The following CXCR2 variants were observed in gnomAD, a reference collection of about 807,000 sequenced individuals.
The protein encoded by CXCR2 is C-X-C chemokine receptor type 2.
A neutral mutation model predicts 3.7 loss-of-function variants in CXCR2; 2 were observed. The observed-to-expected ratio is 0.55, with a 90% CI of 0.22 to 1.72. CXCR2 has a LOEUF of 1.72. Ranked by LOEUF, CXCR2 falls within the 40% of genes most tolerant of loss-of-function variation. CXCR2 has a pLI of 0.19. For synonymous variants in CXCR2, 203 were observed against 193.3 expected (o/e 1.05, Z -0.41); for missense variants, 351 against 450.1 (o/e 0.78, Z 1.99).
intron 1 of CXCR2, among the ~76,000 whole-genome samples, chr2:218,127,196 G>A (rs1690532346): frequency 6.6e-6 from 1 of 152,120 alleles, no homozygotes; most frequent in African/African-American, 2.4e-5. Flanking sequence ...GCACAATCTC[G>A]GCTCACTGCA....
At chr2:218,133,264 T>C (rs1007198439) in intron 2 of CXCR2, among the ~76,000 whole-genome samples, 2 of 151,568 alleles carry the variant, frequency 1.3e-5, no homozygotes, top group Non-Finnish European at 2.9e-5. Context: ...CTGGATTGCT[T>C]TAGTTGACTG....
chr2:218,129,394 C>A (rs200593033), intron 2 of CXCR2, 29 bp downstream of exon 2: 7 of 152,414 alleles, frequency 4.6e-5, no homozygotes, highest in Non-Finnish European at 7.3e-5. Context: ...ACCCTTCCCA[C>A]CAGCTAGAAT....
chr2:218,128,542 A>C (rs1291107280), intron 1 of CXCR2, among the ~76,000 whole-genome samples: 1 of 152,236 alleles, frequency 6.6e-6, no homozygotes, highest in African/African-American at 2.4e-5. Context: ...AATCAATAGC[A>C]AATTGATAAA....
intron 2 of CXCR2, 41 bp from the exon 3 acceptor site, chr2:218,134,736 G>A: frequency 1.3e-6 from 2 of 1,526,308 alleles, no homozygotes; most frequent in Non-Finnish European, 1.8e-6. Flanking sequence ...GCAAGAATAT[G>A]GGGAATTTAT....
At chr2:218,125,576 G>GT (rs45493792), upstream of CXCR2, 1 of 150,788 alleles carries the variant, frequency 6.6e-6, no homozygotes, top group African/African-American at 2.4e-5. Context: ...AAAGCAATTT[G>GT]TTTTTGTTTT....
intron 2 of CXCR2, among the ~76,000 whole-genome samples, chr2:218,130,412 GC>G (rs1458750768): frequency 1.3e-5 from 2 of 151,946 alleles, no homozygotes; most frequent in Non-Finnish European, 2.9e-5. Flanking sequence ...GAGCGAGACT[GC>G]ATCAAAAAAA....
At chr2:218,126,757 C>T (rs1278936295) in intron 1 of CXCR2, among the ~76,000 whole-genome samples, 1 of 152,026 alleles carries the variant, frequency 6.6e-6, no homozygotes, top group African/African-American at 2.4e-5. Context: ...AGGTGATTCT[C>T]CCACCTCAGC....
intron 1 of CXCR2, among the ~76,000 whole-genome samples, chr2:218,128,105 G>T (rs1690552994): frequency 6.6e-6 from 1 of 152,198 alleles, no homozygotes; most frequent in African/African-American, 2.4e-5. Context: ...CCATGAGTTG[G>T]ATTCTGTATT....
At position 218,134,873 on chromosome 2, in the gene CXCR2, T is replaced by C. The variant is rs970371270; in HGVS notation, c.72T>C (p.Ser24=). 4 of 1,614,192 alleles carry C rather than the reference T, an allele frequency of 2.5e-6. No homozygotes were observed. Among genetic ancestry groups the C allele is most frequent in the Admixed American group, 1.7e-5 (1 of 60,020 alleles). The change falls in exon 3 of 3, where the codon AGT becomes AGC. Residue 24 remains serine (S), a synonymous_variant. Transcript: ENST00000318507. ...FWKGEDLSNY[S]YSSTLPPFLL... The stretch of plus-strand genomic sequence containing the variant: ...AAGGTGAAGATCTTAGTAATTACAG[T>C]TACAGCTCTACCCTGCCCCCTTTTC...
chr2:218,128,319 C>T (rs1331411818), intron 1 of CXCR2, among the ~76,000 whole-genome samples: 3 of 152,184 alleles, frequency 2.0e-5, no homozygotes, highest in African/African-American at 4.8e-5. Flanking sequence ...ATTTGCTGAA[C>T]AGTTGGACTC....
rs759986280 is a variant in CXCR2 at position 218,135,625 on chromosome 2, C to T, written c.824C>T (p.Thr275Ile). ...TACAACCTGGTCCTGCTGGCAGACACCCTCATGAGGACCCAGGTGATCCAG... is the reference window on the plus strand; with the variant it reads ...TACAACCTGGTCCTGCTGGCAGACATCCTCATGAGGACCCAGGTGATCCAG... ...LPYNLVLLAD[T>I]LMRTQVIQET... Residue 275 changes from threonine to isoleucine, a missense_variant, in exon 3 of 3, where the codon ACC becomes ATC. By Grantham distance (89) the Thr-to-Ile change is moderately conservative. Coordinates refer to ENST00000318507, the MANE Select transcript of CXCR2 (RefSeq NM_001557.4). The surrounding 1 kb of genome is among the most constrained non-coding windows in gnomAD (Gnocchi z 4.0). 1 of 1,614,120 alleles carries T rather than the reference C, an allele frequency of 6.2e-7. No individual in the cohort carries two copies. The highest frequency in any genetic ancestry group is 1.7e-5 in the Admixed American group (1 of 60,024).
chr2:218,133,084 A>T (rs1690690062), intron 2 of CXCR2, among the ~76,000 whole-genome samples: 1 of 152,058 alleles, frequency 6.6e-6, no homozygotes, highest in South Asian at 2.1e-4. Context: ...GGTGAGTGTG[A>T]AGTGGGTTCT....
rs199906283 is a variant in CXCR2, at chr2:218,135,327, C to T, written c.526C>T (p.Leu176=). Residue 176 remains leucine, a synonymous_variant, in exon 3 of 3, where the codon CTG becomes TTG. Transcript: ENST00000318507. This position sits in a 1 kb window ranked among gnomAD's most constrained non-coding sequence, Gnocchi z 4.0. ...CLSIWGLSLL[L]ALPVLLFRRT... is the part of the protein sequence containing the mutation. Reference sequence around the variant, plus strand: ...CAGCATCTGGGGTCTGTCCTTGCTCCTGGCCCTGCCTGTCTTACTTTTCCG... The same window carrying T: ...CAGCATCTGGGGTCTGTCCTTGCTCTTGGCCCTGCCTGTCTTACTTTTCCG... 65 of 1,614,222 alleles carry T rather than the reference C, an allele frequency of 4.0e-5. 1 individual carries two copies. The Admixed American group carries it at 9.5e-4, about 24-fold the overall frequency.
intron 1 of CXCR2, among the ~76,000 whole-genome samples, chr2:218,129,050 C>G (rs996578254): frequency 2.0e-5 from 3 of 152,188 alleles, no homozygotes; most frequent in African/African-American, 7.2e-5. Context: ...CCATGCAATC[C>G]TGGGCAAGCC....
Position 218,135,277 on chromosome 2 carries a change from G to T in CXCR2, c.476G>T (p.Arg159Leu), listed in dbSNP as rs368809767. The change falls in exon 3 of 3, where the codon CGC (arginine) becomes CTC (leucine). Residue 159 changes from arginine to leucine, a missense_variant. Transcript: ENST00000318507. The surrounding 1 kb of genome is among the most constrained non-coding windows in gnomAD (Gnocchi z 4.0). ...GCCACACGCACACTGACCCAGAAGC[G>T]CTACTTGGTCAAATTCATATGTCTC... ...VHATRTLTQK[R>L]YLVKFICLSI... 2 of 1,614,190 alleles carry T rather than the reference G, an allele frequency of 1.2e-6. No homozygotes were observed. The highest frequency in any genetic ancestry group is 1.7e-6 in the Non-Finnish European group (2 of 1,180,038).
chr2:218,133,941 G>A (rs943105704), intron 2 of CXCR2, among the ~76,000 whole-genome samples: 1 of 152,230 alleles, frequency 6.6e-6, no homozygotes, highest in Non-Finnish European at 1.5e-5. Flanking sequence ...GGGAGAATCA[G>A]GCAGCCCGCT....
chr2:218,128,987 C>T (rs1391012700), intron 1 of CXCR2, among the ~76,000 whole-genome samples: 1 of 152,172 alleles, frequency 6.6e-6, no homozygotes, highest in Non-Finnish European at 1.5e-5. Context: ...GAGACTCAGA[C>T]AAGGCAGCTG....
rs1690807139 is a variant in CXCR2, at chr2:218,136,324, C to T, written c.*440C>T. The T allele has an allele frequency of 5.8e-6, 1 of 171,010 alleles. No homozygotes were observed. The highest frequency in any genetic ancestry group is 6.2e-5 in the Admixed American group (1 of 16,232). The allele number at this position is 171,010 out of a possible 1,614,324, so 10.6% of individuals were successfully genotyped here. On this transcript the variant is annotated 3_prime_UTR_variant, in exon 3 of 3. Transcript: ENST00000318507. The stretch of plus-strand genomic sequence containing the variant: ...TGGTGAGTGCCTGTAATCACAGCTA[C>T]TTGGGAGGCTGAGATGGGAGAATCA...
At position 218,136,359 on chromosome 2, in the gene CXCR2, G is replaced by A. The variant is rs201984059; in HGVS notation, c.*475G>A. 1.5e-3 allele frequency: 261 copies of A among 170,664 alleles called. No individual in the cohort carries two copies. The highest frequency in any genetic ancestry group is 5.6e-3 in the African/African-American group (231 of 41,506). The allele number at this position is 170,664 out of a possible 1,614,324, so 10.6% of individuals were successfully genotyped here. On this transcript the variant is annotated 3_prime_UTR_variant, in exon 3 of 3. Transcript: ENST00000318507. ...TGAGATGGGAGAATCACTTGAACCC[G>A]GGAGGCAGAGGTTGCAGTGAGCCGA...
Sources: gnomAD v4.1 joint callset for allele counts (sites outside exome capture counted in the v4.1 genomes callset) on GRCh38, gnomAD v4.1.1 for gene constraint, Gnocchi (gnomAD v3.1) non-coding constraint, MANE v1.5 for transcripts, NCBI Gene and HGNC (gene_info 2026-07-23, HGNC 2026-07-21) for gene names.